The following MALT1 variants were observed in gnomAD, a reference collection of about 807,000 sequenced individuals.
MALT1 encodes the protein MALT1 paracaspase, also known as mucosa-associated lymphoid tissue lymphoma translocation protein 1.
MALT1 carries 36 observed loss-of-function variants against 85.5 expected under a neutral mutation model. That is an observed-to-expected ratio of 0.42 (90% CI 0.32 to 0.56). MALT1 has a LOEUF of 0.56. Ranked by LOEUF, MALT1 falls within the 20% of genes least tolerant of loss-of-function variation. The pLI, the probability that MALT1 is intolerant of heterozygous loss-of-function variation, is 0.10. For missense variants in MALT1, 716 were observed against 981.6 expected, an observed-to-expected ratio of 0.73 and a Z score of 3.62; for synonymous variants, 359 against 361.3, an observed-to-expected ratio of 0.99 and a Z score of 0.07.
At chr18:58,715,266 A>G (rs2054883014) in intron 8 of MALT1, among the ~76,000 whole-genome samples, 1 of 152,214 alleles carries the variant, frequency 6.6e-6, no homozygotes, top group Non-Finnish European at 1.5e-5. Context: ...AATAGCCACC[A>G]CTAAGATTCT....
At chr18:58,724,867 G>A (rs1325625909) in intron 10 of MALT1, among the ~76,000 whole-genome samples, 1 of 151,900 alleles carries the variant, frequency 6.6e-6, no homozygotes, top group Non-Finnish European at 1.5e-5. Context: ...AAATTGGGCC[G>A]GACGCAGTGG....
intron 13 of MALT1, chr18:58,741,306 T>TA (rs888513817): frequency 6.6e-6 from 1 of 152,232 alleles, no homozygotes; most frequent in African/African-American, 2.4e-5. Context: ...TTATCTTTTT[T>TA]AAAAAAATTG....
intron 3 of MALT1, 97 bp downstream of exon 3, chr18:58,696,584 T>A: frequency 9.8e-7 from 1 of 1,018,440 alleles, no homozygotes; most frequent in Non-Finnish European, 1.4e-6. Context: ...AACAGTTTGG[T>A]AAAAGAGTCT....
intron 3 of MALT1, among the ~76,000 whole-genome samples, chr18:58,697,856 T>A (rs575067936): frequency 3.5e-4 from 54 of 152,302 alleles, no homozygotes; most frequent in African/African-American, 1.3e-3. Context: ...CTAGGTGTGA[T>A]GATACAGCAC....
chr18:58,747,428 T>G lies in MALT1; in HGVS notation c.2061T>G (p.Cys687Trp). ...AGGAACATCTAGTCTTCACAGTATGTTTATCATATCAGTACTCAGGATTGG... is the reference window on the plus strand; with the variant it reads ...AGGAACATCTAGTCTTCACAGTATGGTTATCATATCAGTACTCAGGATTGG... ...KLKEHLVFTV[C>W]LSYQYSGLED... is the part of the protein sequence containing the mutation. The change falls in exon 17 of 17, where the codon TGT (cysteine) becomes TGG (tryptophan). Residue 687 changes from cysteine to tryptophan, a missense_variant. By Grantham distance (215) the Cys-to-Trp change is radical. Around this residue, in one of 4 missense-constraint regions of MALT1, gnomAD observed 260 missense variants for 323.7 expected, o/e 0.80. Transcript: ENST00000649217. The G allele has an allele frequency of 6.2e-7, 1 of 1,612,868 alleles. No individual in the cohort carries two copies. Among genetic ancestry groups the G allele is most frequent in the Non-Finnish European group, 8.5e-7 (1 of 1,179,198 alleles).
At chr18:58,728,623 A>T (rs1049598485) in intron 10 of MALT1, among the ~76,000 whole-genome samples, 2 of 152,136 alleles carry the variant, frequency 1.3e-5, no homozygotes, top group Admixed American at 6.5e-5. Context: ...AAATAAATAA[A>T]TTTTTTAAAA....
chr18:58,674,369 G>T (rs1056386590), intron 1 of MALT1, among the ~76,000 whole-genome samples: 1 of 152,226 alleles, frequency 6.6e-6, no homozygotes, highest in Non-Finnish European at 1.5e-5. Flanking sequence ...ACAAGAGGTG[G>T]CAAGCACAAA....
At chr18:58,723,386 AGAT>A in intron 10 of MALT1, 135 bp downstream of exon 10, 1 of 582,080 alleles carries the variant, frequency 1.7e-6, no homozygotes, top group East Asian at 3.0e-5. Context: ...TTTCTTATTA[AGAT>A]GATACATTTG....
At position 58,749,288 on chromosome 18, in the gene MALT1, T is replaced by C. The variant is rs1221302578; in HGVS notation, c.*1446T>C. On this transcript the variant is annotated 3_prime_UTR_variant, in exon 17 of 17. Coordinates refer to ENST00000649217, the MANE Select transcript of MALT1 (RefSeq NM_006785.4). The stretch of plus-strand genomic sequence containing the variant: ...CACACACATTATGAGCTTGAATTCT[T>C]AATTCATCCTAGCAAATTCTACCTT... 4.6e-6 allele frequency: 1 copy of C among 216,492 alleles called. No individual in the cohort carries two copies. Among genetic ancestry groups the C allele is most frequent in the Non-Finnish European group, 9.3e-6 (1 of 107,598 alleles). 13.4% of individuals were successfully genotyped at this position (216,492 alleles called of 1,614,324 possible). A position where few individuals can be genotyped will look rare whatever the true frequency, so the allele number is the denominator to read the frequency against.
intron 10 of MALT1, among the ~76,000 whole-genome samples, chr18:58,731,621 C>T (rs528375377): frequency 9.8e-5 from 15 of 152,330 alleles, no homozygotes. Context: ...CTAGCCATTC[C>T]CTCTCTTAAG....
rs1305534098 is a variant in MALT1 at position 58,754,383 on chromosome 18, G to A, written c.*6541G>A. The A allele has an allele frequency of 1.3e-5, 2 of 152,232 alleles. No homozygotes were observed. The highest frequency in any genetic ancestry group is 6.5e-5 in the Admixed American group (1 of 15,290). 9.4% of individuals were successfully genotyped at this position (152,232 alleles called of 1,614,324 possible). A position where few individuals can be genotyped will look rare whatever the true frequency, so the allele number is the denominator to read the frequency against. On this transcript the variant is annotated 3_prime_UTR_variant, in exon 17 of 17. Coordinates refer to ENST00000649217, the MANE Select transcript of MALT1 (RefSeq NM_006785.4). ...ACATTTCCAAAGGATTTGACCTGAA[G>A]TTAATGTTGCTACATTATGCTCAAT...
At chr18:58,706,660 G>A (rs890021809) in intron 4 of MALT1, among the ~76,000 whole-genome samples, 11 of 151,944 alleles carry the variant, frequency 7.2e-5, no homozygotes, top group South Asian at 2.1e-4. Flanking sequence ...GTAATAATTT[G>A]TAGACAAATT....
At chr18:58,691,065 C>A in intron 2 of MALT1, 1 of 243,968 alleles carries the variant, frequency 4.1e-6, no homozygotes, top group South Asian at 4.5e-5. Context: ...TCTTCAGGGT[C>A]ATGGTTCTAG....
chr18:58,747,298 A>T, intron 16 of MALT1, 107 bp from the exon 17 acceptor site: 1 of 702,268 alleles, frequency 1.4e-6, no homozygotes, highest in Non-Finnish European at 2.5e-6. Context: ...CTGGGAAAGG[A>T]GAGTGAGTGG....
intron 5 of MALT1, 117 bp from the exon 6 acceptor site, chr18:58,709,859 G>T: frequency 1.4e-6 from 1 of 700,642 alleles, no homozygotes; most frequent in Non-Finnish European, 2.4e-6. Flanking sequence ...TGTAACAAAT[G>T]TCTAAAGCCT....
At chr18:58,700,351 C>A in intron 3 of MALT1, 90 bp from the exon 4 acceptor site, 1 of 1,027,514 alleles carries the variant, frequency 9.7e-7, no homozygotes, top group Non-Finnish European at 1.4e-6. Context: ...ACTTTCAAAG[C>A]TTCATACTGA....
chr18:58,710,036 G>C lies in MALT1; in HGVS notation c.889G>C (p.Asp297His), dbSNP rs199889865. The change falls in exon 6 of 17, where the codon GAC becomes CAC. Residue 297 changes from aspartate (D) to histidine (H), a missense_variant. Physicochemically the swap from Asp to His is moderately conservative, Grantham distance 81 (BLOSUM62 -1). Coordinates refer to ENST00000649217, the MANE Select transcript of MALT1 (RefSeq NM_006785.4). ...CTGGTGTCATGTATATAATGATCGA[G>C]ACAGTCAAGATAGCAAGAAGGTAGA... ...TYWCHVYNDR[D>H]SQDSKKVEII... 1.2e-6 allele frequency: 2 copies of C among 1,612,388 alleles called. No homozygotes were observed. Among genetic ancestry groups the C allele is most frequent in the East Asian group, 2.2e-5 (1 of 44,738 alleles).
Position 58,745,648 on chromosome 18 carries a change from T to C in MALT1, c.1912-18T>C. 1 of 1,597,414 alleles carries C rather than the reference T, an allele frequency of 6.3e-7. No individual in the cohort carries two copies. The highest frequency in any genetic ancestry group is 1.1e-5 in the South Asian group (1 of 90,176). ...CATTGATTTCATTATTAACAGTCCC[T>C]AATTTTTTTTTTTACAGGATCTAGA... On this transcript the variant is annotated intron_variant, in intron 15 of 16. Coordinates refer to ENST00000649217, the MANE Select transcript of MALT1 (RefSeq NM_006785.4).
At chr18:58,693,844 G>T (rs1443794157) in intron 2 of MALT1, among the ~76,000 whole-genome samples, 1 of 152,096 alleles carries the variant, frequency 6.6e-6, no homozygotes, top group Admixed American at 6.5e-5. Context: ...TTAAAGCCAG[G>T]ATAGCCAAAA....
Sources: allele counts gnomAD v4.1 joint callset (sites outside exome capture counted in the v4.1 genomes callset), GRCh38; gene constraint gnomAD v4.1.1; regional missense constraint gnomAD v4.1.1; transcripts MANE v1.5; gene names NCBI Gene and HGNC (gene_info 2026-07-23, HGNC 2026-07-21).